Variants in RIMS2 observed in about 807,000 individuals in gnomAD.
RIMS2 encodes regulating synaptic membrane exocytosis 2, also known as regulating synaptic membrane exocytosis protein 2.
Under a neutral mutation model 174.4 loss-of-function variants are expected in RIMS2, and 59 were observed. The observed-to-expected ratio is 0.34, with a 90% CI of 0.27 to 0.42. The LOEUF (loss-of-function observed/expected upper bound fraction) is 0.42. Among genes scored for constraint, RIMS2 ranks in the 10% least tolerant of loss-of-function variants. RIMS2 has a pLI of 1.00. For synonymous variants in RIMS2, 606 were observed against 572.5 expected (o/e 1.06, Z -0.84); for missense variants, 1,620 against 1,666.3 (o/e 0.97, Z 0.48).
chr8:103,607,849 C>T lies in RIMS2; in HGVS notation c.177-89237C>T, dbSNP rs1181965646. On this transcript the variant is annotated intron_variant, in intron 1 of 23. Transcript: ENST00000504942. ...GTTCTCGAGCCTTGGTTTTCAGCTC[C>T]ATCAGCTCCTTTAAGCACTTCTCTG... 1.4e-4 allele frequency among the ~76,000 whole-genome samples: 19 copies of T among 134,430 alleles called. No homozygotes were observed. In the East Asian group the frequency reaches 3.7e-3, roughly 26 times the overall value. 88.2% of individuals were successfully genotyped at this position (134,430 alleles called of 152,430 possible). A position where few individuals can be genotyped will look rare whatever the true frequency, so the allele number is the denominator to read the frequency against.
rs1195788943 is a variant in RIMS2, at chr8:103,948,653, G to A, written c.2701+5727G>A. 6.6e-5 allele frequency among the ~76,000 whole-genome samples: 10 copies of A among 152,226 alleles called. No homozygotes were observed. In the South Asian group the frequency reaches 1.7e-3, roughly 25 times the overall value. On this transcript the variant is annotated intron_variant, in intron 14 of 23. Coordinates refer to ENST00000504942, the Ensembl canonical transcript of RIMS2. ...AAATCTATTGAGACAGATTAAGTTAGCAGTTGGCTGGAAGTAGCAATAGAC... is the reference window on the plus strand; with the variant it reads ...AAATCTATTGAGACAGATTAAGTTAACAGTTGGCTGGAAGTAGCAATAGAC...
At chr8:104,064,787 C>G (rs1203906933) in intron 19 of RIMS2, among the ~76,000 whole-genome samples, 1 of 151,938 alleles carries the variant, frequency 6.6e-6, no homozygotes, top group Non-Finnish European at 1.5e-5. Flanking sequence ...TAAAAACTAT[C>G]ATTGTAAATG....
At chr8:103,555,566 C>T (rs1358490671) in intron 1 of RIMS2, among the ~76,000 whole-genome samples, 2 of 151,980 alleles carry the variant, frequency 1.3e-5, no homozygotes, top group Non-Finnish European at 2.9e-5. Flanking sequence ...TCTGTACTCC[C>T]ATGTTCATTG....
chr8:103,975,373 C>A lies in RIMS2; in HGVS notation c.2794C>A (p.Leu932Ile), dbSNP rs766544538. 5.3e-5 allele frequency: 85 copies of A among 1,612,356 alleles called. No individual in the cohort carries two copies. The highest frequency in any genetic ancestry group is 6.9e-5 in the Non-Finnish European group (81 of 1,178,638). The change falls in exon 16 of 24, where the codon CTT (leucine) becomes ATT (isoleucine). Residue 932 changes from leucine to isoleucine, a missense_variant. This residue lies in a region of RIMS2 where 1,395 missense variants were observed against 1,360.1 expected (regional missense o/e 1.03). Coordinates refer to ENST00000504942, the Ensembl canonical transcript of RIMS2. ...AGATTATCGACATGATGGTCGAGAT[C>A]TTCAAAGCTCAACATTATCAGTGCC... is the stretch of plus-strand genomic sequence containing the variant.
chr8:103,808,524 T>A (rs1418371337), intron 3 of RIMS2, among the ~76,000 whole-genome samples: 1 of 152,174 alleles, frequency 6.6e-6, no homozygotes, highest in African/African-American at 2.4e-5. Flanking sequence ...AGTGACATAT[T>A]TAATTGCTTA....
chr8:103,977,501 A>G (rs1468291694), intron 16 of RIMS2: 3 of 152,232 alleles, frequency 2.0e-5, no homozygotes, highest in African/African-American at 7.2e-5. Flanking sequence ...TGTACATTCT[A>G]CTCAACACAG....
intron 1 of RIMS2, among the ~76,000 whole-genome samples, chr8:103,557,026 G>A (rs188737183): frequency 2.0e-5 from 3 of 152,142 alleles, no homozygotes; most frequent in East Asian, 1.9e-4. Context: ...ATTAAATCTC[G>A]ATAAATAGAG....
At chr8:104,009,290 G>T (rs1024934036) in intron 17 of RIMS2, among the ~76,000 whole-genome samples, 27 of 144,410 alleles carry the variant, frequency 1.9e-4, no homozygotes, top group Non-Finnish European at 3.5e-4. Flanking sequence ...GTTTCTGCTG[G>T]TTTTTTTTTT....
At chr8:104,156,836 C>A (rs1215578897) in intron 19 of RIMS2, among the ~76,000 whole-genome samples, 2 of 152,120 alleles carry the variant, frequency 1.3e-5, no homozygotes, top group African/African-American at 4.8e-5. Context: ...TTTTGAACAG[C>A]ATTCAGACCA....
At chr8:104,036,939 C>G (rs2096530586) in intron 19 of RIMS2, among the ~76,000 whole-genome samples, 1 of 151,934 alleles carries the variant, frequency 6.6e-6, no homozygotes, top group Non-Finnish European at 1.5e-5. Flanking sequence ...TTAAAAATAG[C>G]AAAGTATTTG....
chr8:103,848,340 T>C (rs2098978806), intron 3 of RIMS2, among the ~76,000 whole-genome samples: 1 of 152,062 alleles, frequency 6.6e-6, no homozygotes, highest in Non-Finnish European at 1.5e-5. Context: ...CTTTTTCTTT[T>C]TTCTTCAAGT....
At chr8:103,799,481 A>G (rs930339350) in intron 3 of RIMS2, among the ~76,000 whole-genome samples, 3 of 152,122 alleles carry the variant, frequency 2.0e-5, no homozygotes, top group African/African-American at 4.8e-5. Flanking sequence ...TAGTCTGTCT[A>G]TGTAGATGTA....
chr8:103,923,263 G>C (rs945037527), intron 10 of RIMS2, among the ~76,000 whole-genome samples: 4 of 151,426 alleles, frequency 2.6e-5, no homozygotes, highest in African/African-American at 7.3e-5. Context: ...AAATAAAACT[G>C]TGTGTGTGTG....
intron 10 of RIMS2, among the ~76,000 whole-genome samples, chr8:103,925,982 T>C (rs1441075045): frequency 1.3e-5 from 2 of 151,600 alleles, no homozygotes; most frequent in Non-Finnish European, 3.0e-5. Context: ...TATAAACTCA[T>C]GGGTGAAGAT....
downstream of RIMS2, chr8:104,252,742 C>G (rs1330396935): frequency 1.3e-5 from 2 of 152,070 alleles, no homozygotes; most frequent in Admixed American, 1.3e-4. Context: ...CTTTATGTGA[C>G]AAATAAGTAT....
Position 103,766,926 on chromosome 8 carries a change from T to C in RIMS2, c.698+389T>C, listed in dbSNP as rs146448832. ...GTGGGAGTTAAGGTAATAGGGAAGG[T>C]TAACAATATCTCCAAAGGTTCTATC... On this transcript the variant is annotated intron_variant, in intron 3 of 23. Coordinates refer to ENST00000504942, the Ensembl canonical transcript of RIMS2. 8.5e-4 allele frequency among the ~76,000 whole-genome samples: 130 copies of C among 152,256 alleles called. 1 individual carries two copies. The East Asian group carries it at 0.024, about 28-fold the overall frequency.
chr8:103,517,075 A>G (rs892008081), intron 1 of RIMS2, among the ~76,000 whole-genome samples: 1 of 152,238 alleles, frequency 6.6e-6, no homozygotes, highest in Non-Finnish European at 1.5e-5. Context: ...GGAATAGGAC[A>G]CAGTCTCTGC....
chr8:103,676,679 C>T (rs895559138), intron 1 of RIMS2, among the ~76,000 whole-genome samples: 43 of 151,804 alleles, frequency 2.8e-4, no homozygotes, highest in African/African-American at 1.0e-3. Flanking sequence ...TTCAGGAGCC[C>T]TCATTTTAAA....
chr8:103,764,612 T>C (rs1473632075), intron 2 of RIMS2, among the ~76,000 whole-genome samples: 2 of 152,138 alleles, frequency 1.3e-5, no homozygotes, highest in Admixed American at 1.3e-4. Context: ...ATGTTCTTTT[T>C]AATTTCAGTG....
Sources: gnomAD v4.1 joint callset for allele counts (sites outside exome capture counted in the v4.1 genomes callset) on GRCh38, gnomAD v4.1.1 for gene constraint, gnomAD v4.1.1 regional missense constraint, MANE v1.5 for transcripts, NCBI Gene and HGNC (gene_info 2026-07-23, HGNC 2026-07-21) for gene names.